PTOV1: variants seen among roughly 807,000 people sequenced by gnomAD.
PTOV1 encodes the protein PTOV1 extended AT-hook containing adaptor protein.
A neutral mutation model predicts 58.0 loss-of-function variants in PTOV1; 20 were observed. The observed-to-expected ratio is 0.34, with a 90% CI of 0.24 to 0.50. The LOEUF is 0.50. Ranked by LOEUF, PTOV1 falls within the 20% of genes least tolerant of loss-of-function variation. The pLI is 0.98. For missense variants in PTOV1, 593 were observed against 565.4 expected, an observed-to-expected ratio of 1.05 and a Z score of -0.50; for synonymous variants, 335 against 234.2, an observed-to-expected ratio of 1.43 and a Z score of -3.93.
At chr19:49,851,455 G>A in exon 1 of PTOV1, 1 of 1,221,702 alleles carries the variant, frequency 8.2e-7, no homozygotes, top group East Asian at 3.2e-5. Context: ...CAGCCCCCGA[G>A]GCCCGCAGCC....
exon 11 of PTOV1, chr19:49,860,070 A>G (rs543904969): frequency 6.2e-7 from 1 of 1,614,186 alleles, no homozygotes; most frequent in Non-Finnish European, 8.5e-7. Flanking sequence ...GAAAATCTTC[A>G]TTGGCCTCAT....
At chr19:49,858,002 G>A (rs746532230) in intron 8 of PTOV1, 25 bp downstream of exon 8, 1 of 1,613,136 alleles carries the variant, frequency 6.2e-7, no homozygotes, top group Non-Finnish European at 8.5e-7. Context: ...GGGGGGTGGA[G>A]GCAGCATCCA....
upstream of PTOV1, chr19:49,851,020 C>T: frequency 2.0e-6 from 3 of 1,530,650 alleles, no homozygotes; most frequent in South Asian, 2.4e-5. Flanking sequence ...CAGGACTCCC[C>T]CGCGCCGGAG....
exon 5 of PTOV1, chr19:49,855,044 C>T (rs1364620937): frequency 1.3e-6 from 2 of 1,598,704 alleles, no homozygotes; most frequent in Middle Eastern, 1.6e-4. Context: ...GCGACTCGCT[C>T]AAGGGGCTCT....
intron 1 of PTOV1, chr19:49,851,878 G>A (rs2074266302): frequency 2.0e-6 from 2 of 986,344 alleles, no homozygotes; most frequent in South Asian, 4.7e-5. Flanking sequence ...GGTTTTGGGG[G>A]ACAGCGGCGA....
chr19:49,857,247 T>C, intron 6 of PTOV1, 117 bp downstream of exon 6: 5 of 1,407,984 alleles, frequency 3.6e-6, no homozygotes, highest in Non-Finnish European at 4.9e-6. Context: ...AGCAAGGAGC[T>C]GCAGGGGAGC....
In PTOV1 at chr19:49,860,108, C is replaced by T. The variant is rs375764009; in HGVS notation, c.1164C>T (p.Asn388=). The T allele has an allele frequency of 3.3e-5, 53 of 1,614,220 alleles. 1 individual carries two copies. The highest frequency in any genetic ancestry group is 2.8e-4 in the African/African-American group (21 of 75,064). Residue 388 remains asparagine, a synonymous_variant, in exon 11 of 12, where the codon AAC becomes AAT. Coordinates refer to ENST00000391842, the Ensembl canonical transcript of PTOV1. The stretch of plus-strand genomic sequence containing the variant: ...CCCATGACCAGGGCAACTTTGTCAA[C>T]GGCATCCGGCGTGTCATTGCCAACC...
At chr19:49,850,994 G>A (rs1239715307), upstream of PTOV1, 2 of 1,534,694 alleles carry the variant, frequency 1.3e-6, no homozygotes, top group South Asian at 2.4e-5. Flanking sequence ...CTGAAGTTGT[G>A]GCTCGCGCGT....
At chr19:49,857,928 T>C in exon 8 of PTOV1, 2 of 1,613,880 alleles carry the variant, frequency 1.2e-6, no homozygotes, top group Non-Finnish European at 1.7e-6. Context: ...CAACAGTCGG[T>C]CCAAGAGGTG....
exon 6 of PTOV1, chr19:49,857,021 T>G: frequency 4.3e-6 from 7 of 1,613,948 alleles, no homozygotes; most frequent in Non-Finnish European, 5.9e-6. Flanking sequence ...GAGGTGCGCG[T>G]GCTCATGCTC....
chr19:49,854,550 C>G lies in PTOV1; in HGVS notation c.309+7C>G. 1 of 1,612,668 alleles carries G rather than the reference C, an allele frequency of 6.2e-7. No individual in the cohort carries two copies. Among genetic ancestry groups the G allele is most frequent in the Non-Finnish European group, 8.5e-7 (1 of 1,179,716 alleles). On this transcript the variant is annotated splice_region_variant and intron_variant, in intron 2 of 11. Coordinates refer to ENST00000391842, the Ensembl canonical transcript of PTOV1. ...CGTCCTCGAGTGGCAGGAGGTGAGTCTCTGTGGGGCTGCGGCTGGCCTCCA... is the reference window on the plus strand; with the variant it reads ...CGTCCTCGAGTGGCAGGAGGTGAGTGTCTGTGGGGCTGCGGCTGGCCTCCA...
rs747481739 is a variant in PTOV1 at position 49,858,144 on chromosome 19, T to C, written c.936+30T>C. The C allele has an allele frequency of 2.1e-5, 34 of 1,608,412 alleles. No homozygotes were observed. The East Asian group carries it at 5.1e-4, about 24-fold the overall frequency. On this transcript the variant is annotated intron_variant, in intron 9 of 11. Transcript: ENST00000391842. ...GGGGCTGGGGCCGGGTGCTGGAGCC[T>C]GCACGCAGTAGCTCTTCCAGAGGGC...
At chr19:49,860,321 G>A (rs1568654529) in exon 12 of PTOV1, 4 of 1,361,474 alleles carry the variant, frequency 2.9e-6, no homozygotes, top group African/African-American at 1.5e-5. Context: ...CACAGATGAG[G>A]CCCCCGCAGA....
chr19:49,851,171 G>GC lies in PTOV1; in HGVS notation c.-157dup. 3 of 1,238,360 alleles carry GC rather than the reference G, an allele frequency of 2.4e-6. No individual in the cohort carries two copies. In the African/African-American group the frequency reaches 4.7e-5, roughly 20 times the overall value. The allele number at this position is 1,238,360 out of a possible 1,614,324, so 76.7% of individuals were successfully genotyped here. On this transcript the variant is annotated 5_prime_UTR_variant, in exon 1 of 12. Transcript: ENST00000391842. ...CCCCGCTCGCCTCAGTGGTTCGGCC[G>GC]CGGCGACCCCACTCCGGCGGCGCGT...
At chr19:49,856,107 G>C (rs1334901252) in intron 5 of PTOV1, 3 of 152,232 alleles carry the variant, frequency 2.0e-5, no homozygotes, top group Non-Finnish European at 4.4e-5. Context: ...ACCAGGGGCA[G>C]ACCAGGGCTT....
At chr19:49,852,063 C>T in intron 1 of PTOV1, 4 of 985,478 alleles carry the variant, frequency 4.1e-6, no homozygotes, top group African/African-American at 3.5e-5. Context: ...CATTCAGCTT[C>T]GCAGGTACTT....
intron 10 of PTOV1, chr19:49,859,188 A>C (rs937139500): frequency 6.5e-6 from 1 of 153,316 alleles, no homozygotes; most frequent in Non-Finnish European, 1.5e-5. Context: ...TAATATCCCG[A>C]AACTACCTTA....
At chr19:49,859,811 C>A (rs986865926) in intron 10 of PTOV1, 175 bp from the exon 11 acceptor site, 2 of 668,350 alleles carry the variant, frequency 3.0e-6, no homozygotes, top group Non-Finnish European at 5.1e-6. Flanking sequence ...CCACCCATTG[C>A]TCTTGGCCAC....
intron 6 of PTOV1, 143 bp downstream of exon 6, chr19:49,857,273 CG>C: frequency 8.2e-7 from 1 of 1,215,382 alleles, no homozygotes; most frequent in South Asian, 1.4e-5. Context: ...GGATGCCGGG[CG>C]GGTTCCCACC....
Sources: allele counts gnomAD v4.1 joint callset, GRCh38; gene constraint gnomAD v4.1.1; transcripts MANE v1.5; gene names NCBI Gene and HGNC (gene_info 2026-07-23, HGNC 2026-07-21).